Variants in STXBP5 observed in about 807,000 individuals in gnomAD.
STXBP5 encodes syntaxin-binding protein 5.
STXBP5 carries 50 observed loss-of-function variants against 152.4 expected under a neutral mutation model. That is an observed-to-expected ratio of 0.33 (90% CI 0.26 to 0.42). STXBP5 has a LOEUF of 0.42. Among genes scored for constraint, STXBP5 ranks in the 10% least tolerant of loss-of-function variants. The probability of loss-of-function intolerance (pLI) is 1.00; values close to 1 mark genes in which losing one functional copy is unlikely to be tolerated. For missense variants in STXBP5, 1,167 were observed against 1,388.6 expected, an observed-to-expected ratio of 0.84 and a Z score of 2.54; for synonymous variants, 492 against 494.7, an observed-to-expected ratio of 0.99 and a Z score of 0.07.
intron 2 of STXBP5, among the ~76,000 whole-genome samples, chr6:147,222,320 T>C (rs777745281): frequency 3.3e-5 from 5 of 152,192 alleles, no homozygotes; most frequent in Admixed American, 1.3e-4. Flanking sequence ...TTTCCTGATA[T>C]CGGGACATGA....
intron 23 of STXBP5, 25 bp from the exon 24 acceptor site, chr6:147,363,310 T>C: frequency 6.5e-7 from 1 of 1,534,868 alleles, no homozygotes; most frequent in Non-Finnish European, 8.7e-7. Context: ...ATATTTCAGT[T>C]ATTTACTAGA....
chr6:147,267,532 G>T (rs1280537687), intron 7 of STXBP5, among the ~76,000 whole-genome samples: 1 of 152,046 alleles, frequency 6.6e-6, no homozygotes, highest in African/African-American at 2.4e-5. Context: ...AATTAATTGT[G>T]ATTGACAGAT....
At position 147,273,133 on chromosome 6, in the gene STXBP5, A is replaced by C. The variant is rs551535734; in HGVS notation, c.715-4948A>C. Reference sequence around the variant, plus strand: ...TTTGAGAGGCAGGAGCAGAAGGATCAGTTGAGGCCAGGAGATTGAGATCGG... The same window carrying C: ...TTTGAGAGGCAGGAGCAGAAGGATCCGTTGAGGCCAGGAGATTGAGATCGG... On this transcript the variant is annotated intron_variant, in intron 7 of 27. Coordinates refer to ENST00000321680, the MANE Select transcript of STXBP5 (RefSeq NM_001127715.4). Among the ~76,000 whole-genome samples the C allele has an allele frequency of 1.8e-4, 28 of 151,482 alleles. No homozygotes were observed. In the South Asian group the frequency reaches 5.6e-3, roughly 30 times the overall value.
chr6:147,289,715 T>C (rs1049568048), intron 8 of STXBP5, among the ~76,000 whole-genome samples: 5 of 152,130 alleles, frequency 3.3e-5, no homozygotes, highest in African/African-American at 1.2e-4. Flanking sequence ...GTTACTCTTT[T>C]TATTTAACAA....
At chr6:147,368,474 G>C (rs1210838694) in intron 25 of STXBP5, among the ~76,000 whole-genome samples, 2 of 152,036 alleles carry the variant, frequency 1.3e-5, no homozygotes, top group Non-Finnish European at 2.9e-5. Flanking sequence ...AGGAACAGAA[G>C]AAAACTTAAA....
At chr6:147,350,575 A>C (rs1784544036) in intron 21 of STXBP5, among the ~76,000 whole-genome samples, 1 of 152,176 alleles carries the variant, frequency 6.6e-6, no homozygotes. Context: ...TGAACTTAAA[A>C]GGTTGAGCTT....
intron 16 of STXBP5, 54 bp downstream of exon 16, chr6:147,316,461 A>G (rs1782651775): frequency 1.5e-6 from 2 of 1,375,762 alleles, no homozygotes; most frequent in Admixed American, 3.1e-5. Flanking sequence ...TAATTTATAT[A>G]AATTGTAAGC....
At chr6:147,341,529 CAT>C (rs1243911295) in intron 21 of STXBP5, among the ~76,000 whole-genome samples, 2 of 152,162 alleles carry the variant, frequency 1.3e-5, no homozygotes, top group Middle Eastern at 3.2e-3. Flanking sequence ...GCTGGGAAAA[CAT>C]AAGAATTAGT....
intron 26 of STXBP5, among the ~76,000 whole-genome samples, chr6:147,380,664 G>A (rs1202966965): frequency 1.3e-5 from 2 of 151,810 alleles, no homozygotes; most frequent in Admixed American, 6.6e-5. Flanking sequence ...AAGATTGATT[G>A]GAATTTATCA....
chr6:147,321,009 C>T (rs1189129479), intron 16 of STXBP5, among the ~76,000 whole-genome samples: 1 of 152,104 alleles, frequency 6.6e-6, no homozygotes, highest in East Asian at 1.9e-4. Flanking sequence ...GAGACAGAGT[C>T]ATGAGAGAGA....
chr6:147,251,624 C>T (rs961480023), intron 4 of STXBP5, among the ~76,000 whole-genome samples: 4 of 152,204 alleles, frequency 2.6e-5, no homozygotes, highest in Admixed American at 6.5e-5. Flanking sequence ...CATCTCCCTG[C>T]GACAGAGCAC....
chr6:147,224,678 A>G (rs915891248), intron 2 of STXBP5, among the ~76,000 whole-genome samples: 1 of 152,176 alleles, frequency 6.6e-6, no homozygotes, highest in African/African-American at 2.4e-5. Flanking sequence ...TGTATCATGT[A>G]CTGCTGCTTT....
In STXBP5 at chr6:147,359,213, C is replaced by T. The variant is rs770240405; in HGVS notation, c.2435C>T (p.Ser812Phe). The change falls in exon 23 of 28, where the codon TCC becomes TTC. Residue 812 changes from serine to phenylalanine, a missense_variant. Transcript: ENST00000321680. ...TFTRKTDSSP[S>F]PCLWVGTTLG... is the part of the protein sequence containing the mutation. Reference sequence around the variant, plus strand: ...ACTCGAAAGACGGACTCGTCCCCTTCCCCTTGTCTATGGGTTGGAACAACG... The same window carrying T: ...ACTCGAAAGACGGACTCGTCCCCTTTCCCTTGTCTATGGGTTGGAACAACG... 5 of 1,613,934 alleles carry T rather than the reference C, an allele frequency of 3.1e-6. No homozygotes were observed. In the African/African-American group the frequency reaches 4.0e-5, roughly 13 times the overall value.
intron 21 of STXBP5, among the ~76,000 whole-genome samples, chr6:147,347,788 T>G (rs2128403128): frequency 6.6e-6 from 1 of 152,328 alleles, no homozygotes; most frequent in African/African-American, 2.4e-5. Flanking sequence ...TAGTAGTTCC[T>G]TTAGCTTCAC....
In STXBP5 at chr6:147,327,160, T is replaced by C. The variant is rs1783305773; in HGVS notation, c.1964T>C (p.Val655Ala). The C allele has an allele frequency of 6.2e-7, 1 of 1,613,724 alleles. No homozygotes were observed. Among genetic ancestry groups the C allele is most frequent in the Non-Finnish European group, 8.5e-7 (1 of 1,179,942 alleles). Residue 655 changes from valine (V) to alanine (A), a missense_variant, in exon 18 of 28, where the codon GTT becomes GCT. Physicochemically the swap from Val to Ala is moderately conservative, Grantham distance 64. This residue lies in a region of STXBP5 where 833 missense variants were observed against 986.3 expected (regional missense o/e 0.84). Coordinates refer to ENST00000321680, the MANE Select transcript of STXBP5 (RefSeq NM_001127715.4). ...VFGNCNGIAM[V>A]DYLQKAVLLN... ...GGCAATTGCAATGGCATTGCTATGG[T>C]TGACTACCTCCAGAAAGCAGTGCTG...
intron 9 of STXBP5, among the ~76,000 whole-genome samples, chr6:147,303,842 T>TA (rs1289064383): frequency 6.6e-6 from 1 of 152,186 alleles, no homozygotes; most frequent in Non-Finnish European, 1.5e-5. Flanking sequence ...TGGTGAGTCT[T>TA]ACTGTGCTTT....
At chr6:147,266,259 T>C (rs1055287044) in intron 6 of STXBP5, among the ~76,000 whole-genome samples, 1 of 152,012 alleles carries the variant, frequency 6.6e-6, no homozygotes, top group Non-Finnish European at 1.5e-5. Flanking sequence ...AAAATAATGG[T>C]GTGGCATTTA....
chr6:147,236,255 T>C (rs1053478173), intron 3 of STXBP5, among the ~76,000 whole-genome samples: 2 of 152,186 alleles, frequency 1.3e-5, no homozygotes, highest in African/African-American at 4.8e-5. Flanking sequence ...GAGGATGTGT[T>C]TTTAAAAACT....
intron 17 of STXBP5, among the ~76,000 whole-genome samples, chr6:147,326,683 C>CA (rs962181231): frequency 6.6e-6 from 1 of 152,118 alleles, no homozygotes; most frequent in Non-Finnish European, 1.5e-5. Flanking sequence ...AAAGGGCCTC[C>CA]AAGATGTATG....
Sources: allele counts gnomAD v4.1 joint callset (sites outside exome capture counted in the v4.1 genomes callset), GRCh38; gene constraint gnomAD v4.1.1; regional missense constraint gnomAD v4.1.1; transcripts MANE v1.5; gene names NCBI Gene and HGNC (gene_info 2026-07-23, HGNC 2026-07-21).